The following KCNH1 variants were observed in gnomAD, a reference collection of about 807,000 sequenced individuals.
KCNH1 encodes potassium voltage-gated channel subfamily H member 1.
In KCNH1, 27 loss-of-function variants were observed where a neutral mutation model predicts 69.2. The observed-to-expected ratio is 0.39, with a 90% CI of 0.29 to 0.54. The LOEUF (loss-of-function observed/expected upper bound fraction) is 0.54. Among genes scored for constraint, KCNH1 ranks in the 20% least tolerant of loss-of-function variants. The pLI is 0.68. For synonymous variants in KCNH1, 456 were observed against 487.7 expected, an observed-to-expected ratio of 0.93 and a Z score of 0.86; for missense variants, 798 against 1,261.6, an observed-to-expected ratio of 0.63 and a Z score of 5.57.
intron 4 of KCNH1, among the ~76,000 whole-genome samples, chr1:211,089,386 C>G (rs1691012648): frequency 6.6e-6 from 1 of 152,170 alleles, no homozygotes; most frequent in African/African-American, 2.4e-5. Context: ...GACTTTGCAT[C>G]TGCTGCAGTC....
chr1:210,716,448 AGCATGTT>A (rs1558436829), intron 10 of KCNH1, among the ~76,000 whole-genome samples: 4 of 150,800 alleles, frequency 2.7e-5, no homozygotes, highest in African/African-American at 9.9e-5. Flanking sequence ...AAAAAAAAAA[AGCATGTT>A]ACACAACCAT....
At chr1:210,724,533 A>C (rs1682545003) in intron 10 of KCNH1, among the ~76,000 whole-genome samples, 1 of 152,214 alleles carries the variant, frequency 6.6e-6, no homozygotes, top group African/African-American at 2.4e-5. Flanking sequence ...GATTCAGAAA[A>C]AGAAATCCAT....
At chr1:210,858,992 T>A in intron 7 of KCNH1, 7 of 412,196 alleles carry the variant, frequency 1.7e-5, no homozygotes, top group Non-Finnish European at 1.8e-5. Flanking sequence ...CACTGGTTTC[T>A]TTTCCAGTGC....
At chr1:210,835,190 C>A (rs905269131) in intron 7 of KCNH1, among the ~76,000 whole-genome samples, 1 of 152,164 alleles carries the variant, frequency 6.6e-6, no homozygotes, top group African/African-American at 2.4e-5. Context: ...TACATGCTCA[C>A]AGGTAGGCAC....
intron 3 of KCNH1, among the ~76,000 whole-genome samples, chr1:211,095,178 G>A (rs1302186429): frequency 6.6e-6 from 1 of 152,136 alleles, no homozygotes; most frequent in African/African-American, 2.4e-5. Context: ...CAGAAAATCA[G>A]GAAGAAGTTA....
chr1:211,004,243 G>T (rs866682504), intron 6 of KCNH1, among the ~76,000 whole-genome samples: 3 of 152,092 alleles, frequency 2.0e-5, no homozygotes, highest in South Asian at 4.1e-4. Context: ...AATGCTAAAG[G>T]GTGTTCCTCA....
intron 5 of KCNH1, among the ~76,000 whole-genome samples, chr1:211,079,232 T>G (rs1176176931): frequency 3.3e-5 from 5 of 152,128 alleles, no homozygotes; most frequent in Non-Finnish European, 1.5e-5. Flanking sequence ...ATGGATAAAT[T>G]CCTGGACACA....
intron 9 of KCNH1, among the ~76,000 whole-genome samples, chr1:210,787,071 C>G (rs1293380025): frequency 4.6e-5 from 7 of 152,146 alleles, no homozygotes; most frequent in African/African-American, 1.4e-4. Flanking sequence ...CTCTCCATTA[C>G]CCTCAGTCCA....
intron 7 of KCNH1, among the ~76,000 whole-genome samples, chr1:210,913,731 A>G (rs998390563): frequency 2.0e-5 from 3 of 152,238 alleles, no homozygotes; most frequent in African/African-American, 7.2e-5. Context: ...AGGAAAGTTG[A>G]GGCTGACACT....
intron 7 of KCNH1, among the ~76,000 whole-genome samples, chr1:210,876,096 G>A (rs138298795): frequency 0.018 from 2,790 of 152,210 alleles, 51 homozygotes; most frequent in South Asian, 0.068. Flanking sequence ...GCAAGCAAAC[G>A]TCCAAGAGTT....
intron 5 of KCNH1, among the ~76,000 whole-genome samples, chr1:211,057,236 G>A (rs1204800979): frequency 1.3e-5 from 2 of 152,156 alleles, no homozygotes; most frequent in South Asian, 2.1e-4. Flanking sequence ...CTGACATACT[G>A]AAGAATGCAT....
intron 10 of KCNH1, among the ~76,000 whole-genome samples, chr1:210,690,756 G>C (rs1282032238): frequency 6.6e-6 from 1 of 152,222 alleles, no homozygotes; most frequent in Non-Finnish European, 1.5e-5. Context: ...GCCTCGAGGA[G>C]GGGAGGGGGC....
chr1:210,919,707 G>GCCCA lies in KCNH1; in HGVS notation c.1391_1394dup (p.Phe466GlyfsTer12). 1 of 1,614,124 alleles carries GCCCA rather than the reference G, an allele frequency of 6.2e-7. No homozygotes were observed. The highest frequency in any genetic ancestry group is 8.5e-7 in the Non-Finnish European group (1 of 1,180,006). On this transcript the variant is annotated frameshift_variant, in exon 7 of 11. Transcript: ENST00000271751. LOFTEE classifies it high-confidence loss of function. This position sits in a 1 kb window ranked among gnomAD's most constrained non-coding sequence, Gnocchi z 4.2. ...CTGTGGATGGGGCGATGTTCCCAAA[G>GCCCA]CCCACACTGGTGAGGCTGGTCATTG... is the stretch of plus-strand genomic sequence containing the variant.
At chr1:211,008,622 C>CT (rs1689330732) in intron 6 of KCNH1, among the ~76,000 whole-genome samples, 1 of 152,182 alleles carries the variant, frequency 6.6e-6, no homozygotes, top group South Asian at 2.1e-4. Context: ...TAAAACTAAT[C>CT]TATGGCGATA....
intron 10 of KCNH1, among the ~76,000 whole-genome samples, chr1:210,716,345 T>C (rs1682246774): frequency 6.8e-6 from 1 of 146,776 alleles, no homozygotes; most frequent in African/African-American, 2.6e-5. Flanking sequence ...GGCAGGAGAA[T>C]CACTTGAACC....
intron 7 of KCNH1, among the ~76,000 whole-genome samples, chr1:210,815,866 G>T (rs1055377325): frequency 6.6e-6 from 1 of 152,180 alleles, no homozygotes; most frequent in Non-Finnish European, 1.5e-5. Flanking sequence ...ATAAGGCACC[G>T]GAGGTAACAC....
chr1:210,701,571 CT>C (rs1681782066), intron 10 of KCNH1, among the ~76,000 whole-genome samples: 1 of 152,078 alleles, frequency 6.6e-6, no homozygotes, highest in Admixed American at 6.5e-5. Flanking sequence ...TTGGACAAGC[CT>C]TCTTTTTGTT....
intron 10 of KCNH1, among the ~76,000 whole-genome samples, chr1:210,724,952 G>A (rs1246970467): frequency 1.3e-5 from 2 of 152,182 alleles, no homozygotes; most frequent in African/African-American, 2.4e-5. Flanking sequence ...CTGTCATGAG[G>A]AAATTATTGA....
intron 10 of KCNH1, among the ~76,000 whole-genome samples, chr1:210,693,405 G>A (rs1319302050): frequency 6.6e-6 from 1 of 152,208 alleles, no homozygotes; most frequent in African/African-American, 2.4e-5. Context: ...TGCAGGTGAA[G>A]TAGATAATCA....
Sources: gnomAD v4.1 joint callset for allele counts (sites outside exome capture counted in the v4.1 genomes callset) on GRCh38, gnomAD v4.1.1 for gene constraint, Gnocchi (gnomAD v3.1) non-coding constraint, MANE v1.5 for transcripts, NCBI Gene and HGNC (gene_info 2026-07-23, HGNC 2026-07-21) for gene names.